The following ALPK1 variants were observed in gnomAD, a reference collection of about 807,000 sequenced individuals.
ALPK1 encodes alpha kinase 1.
ALPK1 carries 110 observed loss-of-function variants against 120.6 expected under a neutral mutation model. The observed-to-expected ratio is 0.91, with a 90% confidence interval of 0.78 to 1.07. The LOEUF (loss-of-function observed/expected upper bound fraction) is 1.07. ALPK1 is among the 50% of genes least tolerant of loss of function. ALPK1 has a pLI of 0.00. For synonymous variants in ALPK1, 582 were observed against 560.3 expected (o/e 1.04, Z -0.55); for missense variants, 1,498 against 1,483.9 (o/e 1.01, Z -0.16).
At chr4:112,373,731 T>A (rs777520790) in intron 2 of ALPK1, among the ~76,000 whole-genome samples, 9 of 152,004 alleles carry the variant, frequency 5.9e-5, no homozygotes, top group Non-Finnish European at 1.3e-4. Context: ...TTAAAAAAAA[T>A]TAAAATTAAA....
chr4:112,331,849 A>G (rs1729389063), intron 2 of ALPK1, among the ~76,000 whole-genome samples: 2 of 152,208 alleles, frequency 1.3e-5, no homozygotes, highest in Admixed American at 6.5e-5. Context: ...TGCTGTGCAC[A>G]TCCACATTTT....
chr4:112,368,780 G>A (rs943394760), intron 2 of ALPK1, among the ~76,000 whole-genome samples: 4 of 152,162 alleles, frequency 2.6e-5, no homozygotes, highest in Non-Finnish European at 5.9e-5. Flanking sequence ...GAGGTGAGGG[G>A]AGAGGATGAG....
At chr4:112,385,805 C>T (rs367544373) in intron 4 of ALPK1, among the ~76,000 whole-genome samples, 95 of 152,208 alleles carry the variant, frequency 6.2e-4, no homozygotes, top group African/African-American at 2.2e-3. Context: ...TGTGAAATTC[C>T]ATTCTCATGT....
intron 2 of ALPK1, among the ~76,000 whole-genome samples, chr4:112,362,257 A>G (rs908375833): frequency 3.9e-5 from 6 of 152,258 alleles, no homozygotes; most frequent in African/African-American, 1.4e-4. Context: ...ATTGCCAGAA[A>G]AAGAATTCAG....
In ALPK1 at chr4:112,430,543, T is replaced by C. The variant is rs975930479; in HGVS notation, c.996T>C (p.Phe332=). ...NLHLCEAKEA[F]EIGLLTKRDD... ...ATCTGTGTGAAGCCAAAGAGGCCTT[T>C]GAGATTGGCCTCCTCACCAAGAGAG... Residue 332 remains phenylalanine (F), a synonymous_variant, in exon 11 of 16, where the codon TTT becomes TTC. Coordinates refer to ENST00000650871, the MANE Select transcript of ALPK1 (RefSeq NM_025144.4). 1.2e-6 allele frequency: 2 copies of C among 1,614,000 alleles called. No homozygotes were observed. Among genetic ancestry groups the C allele is most frequent in the Non-Finnish European group, 1.7e-6 (2 of 1,179,880 alleles).
Position 112,431,666 on chromosome 4 carries a change from A to G in ALPK1, c.2119A>G (p.Arg707Gly). ...GIQEVRNMGPRNTSAHSRPSY... is the reference protein window; with the variant it reads ...GIQEVRNMGPGNTSAHSRPSY... ...CCAGGAAGTCAGAAATATGGGACCC[A>G]GAAATACTTCTGCTCACTCCAGACC... Residue 707 changes from arginine (R) to glycine (G), a missense_variant, in exon 11 of 16, where the codon AGA (arginine) becomes GGA (glycine). Coordinates refer to ENST00000650871, the MANE Select transcript of ALPK1 (RefSeq NM_025144.4). 6.2e-7 allele frequency: 1 copy of G among 1,614,234 alleles called. No individual in the cohort carries two copies. The highest frequency in any genetic ancestry group is 8.5e-7 in the Non-Finnish European group (1 of 1,180,038).
intron 2 of ALPK1, chr4:112,358,430 G>T: frequency 1.5e-6 from 1 of 648,566 alleles, no homozygotes; most frequent in Admixed American, 2.4e-5. Flanking sequence ...TAAGTCAACT[G>T]GCCCCCTCCT....
chr4:112,311,955 C>A (rs753370091), intron 1 of ALPK1, among the ~76,000 whole-genome samples: 30 of 151,872 alleles, frequency 2.0e-4, no homozygotes, highest in Non-Finnish European at 3.8e-4. Context: ...AGCACACACA[C>A]CAAAATACAC....
At chr4:112,319,091 G>A (rs140945503) in intron 2 of ALPK1, among the ~76,000 whole-genome samples, 288 of 152,318 alleles carry the variant, frequency 1.9e-3, no homozygotes, top group Non-Finnish European at 2.9e-3. Flanking sequence ...ATAAAGAATG[G>A]GAACTGGGAA....
intron 4 of ALPK1, chr4:112,382,771 G>A: frequency 1.7e-6 from 1 of 579,268 alleles, no homozygotes; most frequent in Non-Finnish European, 3.0e-6. Context: ...AAAGTGAAGA[G>A]TGGTCAGTGA....
intron 1 of ALPK1, among the ~76,000 whole-genome samples, chr4:112,305,756 A>G (rs1728021208): frequency 6.6e-6 from 1 of 151,984 alleles, no homozygotes; most frequent in South Asian, 2.1e-4. Flanking sequence ...CTCCTGCCTG[A>G]CTGCCCTGGC....
intron 4 of ALPK1, among the ~76,000 whole-genome samples, chr4:112,392,774 A>G (rs1172669693): frequency 3.3e-5 from 5 of 152,082 alleles, no homozygotes. Context: ...CAAGTGATCC[A>G]CCTGCCTAGG....
chr4:112,440,198 A>G (rs1198919807), intron 14 of ALPK1, among the ~76,000 whole-genome samples: 1 of 152,032 alleles, frequency 6.6e-6, no homozygotes, highest in Admixed American at 6.6e-5. Flanking sequence ...CATTTTTTTC[A>G]CATGTCAAAA....
chr4:112,432,122 G>C lies in ALPK1; in HGVS notation c.2575G>C (p.Asp859His). The part of the protein sequence containing the change: ...STVDEEGQLL[D>H]SMDVPCTNGH... The stretch of plus-strand genomic sequence containing the variant: ...AGTGGATGAGGAGGGGCAACTGCTC[G>C]ACAGCATGGATGTTCCCTGCACAAA... The change falls in exon 11 of 16, where the codon GAC becomes CAC. Residue 859 changes from aspartate (D) to histidine (H), a missense_variant. Asp to His is a moderately conservative substitution (Grantham distance 81). Transcript: ENST00000650871. 5 of 1,614,180 alleles carry C rather than the reference G, an allele frequency of 3.1e-6. No homozygotes were observed. Among genetic ancestry groups the C allele is most frequent in the South Asian group, 1.1e-5 (1 of 91,084 alleles).
chr4:112,344,308 G>A (rs1578482803), intron 2 of ALPK1, among the ~76,000 whole-genome samples: 1 of 152,184 alleles, frequency 6.6e-6, no homozygotes, highest in Non-Finnish European at 1.5e-5. Context: ...GAACTGCTGC[G>A]AGTGGAAGTC....
chr4:112,357,782 G>A, intron 2 of ALPK1: 1 of 1,058,206 alleles, frequency 9.4e-7, no homozygotes, highest in Admixed American at 1.7e-5. Flanking sequence ...GTGCCCTATG[G>A]GCTCCTGATC....
intron 2 of ALPK1, among the ~76,000 whole-genome samples, chr4:112,320,309 T>C (rs1728812803): frequency 6.6e-6 from 1 of 152,238 alleles, no homozygotes. Flanking sequence ...GATCATGTGA[T>C]TTTTATTTTT....
At chr4:112,411,793 G>A (rs529361422) in intron 4 of ALPK1, 34 bp from the exon 5 acceptor site, 38 of 1,577,906 alleles carry the variant, frequency 2.4e-5, no homozygotes, top group Non-Finnish European at 3.2e-5. Flanking sequence ...CAGCGTTTCC[G>A]CCTGGCTCAC....
intron 1 of ALPK1, among the ~76,000 whole-genome samples, chr4:112,312,735 G>C (rs954560726): frequency 6.6e-6 from 1 of 152,210 alleles, no homozygotes; most frequent in Non-Finnish European, 1.5e-5. Context: ...GAAAAAGGAA[G>C]TCACAGTGAA....
Sources: allele counts gnomAD v4.1 joint callset (sites outside exome capture counted in the v4.1 genomes callset), GRCh38; gene constraint gnomAD v4.1.1; transcripts MANE v1.5; gene names NCBI Gene and HGNC (gene_info 2026-07-23, HGNC 2026-07-21).